Variants in RIMS2 observed in about 807,000 individuals in gnomAD.
RIMS2 encodes the protein regulating synaptic membrane exocytosis 2, also known as regulating synaptic membrane exocytosis protein 2.
In RIMS2, 59 loss-of-function variants were observed where a neutral mutation model predicts 174.4. The ratio of observed to expected loss-of-function variants is 0.34; its 90% CI spans 0.27 to 0.42. The LOEUF is 0.42. RIMS2 is among the 10% of genes least tolerant of loss of function. RIMS2 has a pLI of 1.00. For missense variants in RIMS2, 1,620 were observed against 1,666.3 expected, an observed-to-expected ratio of 0.97 and a Z score of 0.48; for synonymous variants, 606 against 572.5, an observed-to-expected ratio of 1.06 and a Z score of -0.84.
Position 104,220,487 on chromosome 8 carries a change from C to T in RIMS2, c.3335-24429C>T, listed in dbSNP as rs141374182. Among the ~76,000 whole-genome samples, 10 of 152,328 alleles carry T rather than the reference C, an allele frequency of 6.6e-5. No individual in the cohort carries two copies. In the East Asian group the frequency reaches 1.9e-3, roughly 29 times the overall value. On this transcript the variant is annotated intron_variant, in intron 19 of 23. Transcript: ENST00000504942. ...TCAGACTCCCCATCCCCAGCAGTCA[C>T]TTGCAGAAACCCAAGAAATCTTTTT... is the stretch of plus-strand genomic sequence containing the variant.
intron 5 of RIMS2, among the ~76,000 whole-genome samples, chr8:103,910,964 C>T (rs1240538531): frequency 6.6e-6 from 1 of 152,130 alleles, no homozygotes; most frequent in African/African-American, 2.4e-5. Context: ...TCTGTTTGCA[C>T]AGAAAAAGTT....
chr8:104,010,800 TGGTAA>T (rs1258709117), intron 17 of RIMS2, among the ~76,000 whole-genome samples: 1 of 152,170 alleles, frequency 6.6e-6, no homozygotes, highest in Non-Finnish European at 1.5e-5. Context: ...GCTTACCCTT[TGGTAA>T]TCTGATAAAA....
chr8:103,632,128 C>T (rs1174228371), intron 1 of RIMS2, among the ~76,000 whole-genome samples: 1 of 152,102 alleles, frequency 6.6e-6, no homozygotes, highest in Non-Finnish European at 1.5e-5. Context: ...CTTTCTCTTG[C>T]CTGATTTCTG....
rs780825926 is a variant in RIMS2, at chr8:103,697,059, T to A, written c.177-27T>A. The A allele has an allele frequency of 1.9e-6, 3 of 1,562,230 alleles. No homozygotes were observed. The South Asian group carries it at 3.3e-5, about 17-fold the overall frequency. On this transcript the variant is annotated intron_variant, in intron 1 of 23. Coordinates refer to ENST00000504942, the Ensembl canonical transcript of RIMS2. ...CTTTAGAGATCATCAGGAAACCAACTTTTTTTCTTATCTATTTTCTCTGCA... is the reference window on the plus strand; with the variant it reads ...CTTTAGAGATCATCAGGAAACCAACATTTTTTCTTATCTATTTTCTCTGCA...
intron 3 of RIMS2, among the ~76,000 whole-genome samples, chr8:103,785,599 C>T (rs2098436192): frequency 6.6e-6 from 1 of 152,110 alleles, no homozygotes; most frequent in Non-Finnish European, 1.5e-5. Context: ...TTGAGCCAGC[C>T]TTGCATCCCA....
intron 19 of RIMS2, among the ~76,000 whole-genome samples, chr8:104,093,233 A>T (rs2097693640): frequency 6.6e-6 from 1 of 151,984 alleles, no homozygotes; most frequent in Admixed American, 6.6e-5. Context: ...AACTATTTTA[A>T]TGGCCTTCAC....
chr8:103,652,587 T>G (rs757154837), intron 1 of RIMS2, 37 bp from the exon 3 acceptor site: 1 of 1,103,354 alleles, frequency 9.1e-7, no homozygotes, highest in South Asian at 1.2e-5. Context: ...TGTTATTCAT[T>G]TGGTTATTCA....
At chr8:104,070,828 C>T (rs1368774453) in intron 19 of RIMS2, among the ~76,000 whole-genome samples, 5 of 151,924 alleles carry the variant, frequency 3.3e-5, no homozygotes, top group African/African-American at 7.3e-5. Context: ...AATAAAGTCA[C>T]GATAAAACAA....
At chr8:103,927,571 A>ATCCAG (rs1172397443) in intron 10 of RIMS2, among the ~76,000 whole-genome samples, 1 of 151,696 alleles carries the variant, frequency 6.6e-6, no homozygotes, top group Admixed American at 6.6e-5. Flanking sequence ...ATTATTTTAT[A>ATCCAG]TCCAGTCTTA....
chr8:103,823,028 G>T (rs2098762919), intron 3 of RIMS2, among the ~76,000 whole-genome samples: 1 of 151,866 alleles, frequency 6.6e-6, no homozygotes, highest in Non-Finnish European at 1.5e-5. Context: ...GCTAATGATG[G>T]CTATCTTTTG....
At chr8:103,853,722 T>C (rs902883064) in intron 3 of RIMS2, among the ~76,000 whole-genome samples, 1 of 152,010 alleles carries the variant, frequency 6.6e-6, no homozygotes, top group Non-Finnish European at 1.5e-5. Context: ...TGAGTTTTAT[T>C]TTCTGTTCCA....
chr8:103,758,731 C>A (rs1266290265), intron 2 of RIMS2, among the ~76,000 whole-genome samples: 1 of 152,034 alleles, frequency 6.6e-6, no homozygotes, highest in Admixed American at 6.5e-5. Context: ...AACAGTCTTT[C>A]TATTGAAAGA....
chr8:103,922,001 C>T (rs1489228859), intron 10 of RIMS2: 1 of 302,666 alleles, frequency 3.3e-6, no homozygotes, highest in Admixed American at 4.6e-5. Flanking sequence ...ATAAAAGTTA[C>T]ATTTTGTAAA....
chr8:103,765,017 T>C lies in RIMS2; in HGVS notation c.388-1210T>C, dbSNP rs567873691. Among the ~76,000 whole-genome samples, 6 of 152,262 alleles carry C rather than the reference T, an allele frequency of 3.9e-5. No homozygotes were observed. The South Asian group carries it at 1.2e-3, about 32-fold the overall frequency. On this transcript the variant is annotated intron_variant, in intron 2 of 23. Coordinates refer to ENST00000504942, the Ensembl canonical transcript of RIMS2. ...GAATAATGGACAATAAGGTAAAAAA[T>C]CTACATGGTATTTTACAAAAACATT...
rs199997824 is a variant in RIMS2, at chr8:103,876,864, T to TTATATATA, written c.699-8395_699-8388dup. Among the ~76,000 whole-genome samples the TTATATATA allele has an allele frequency of 7.7e-3, 520 of 67,644 alleles. 13 individuals are homozygous for TTATATATA. Among genetic ancestry groups the TTATATATA allele is most frequent in the East Asian group, 0.018 (27 of 1,542 alleles). 44.4% of individuals were successfully genotyped at this position (67,644 alleles called of 152,430 possible). Reference sequence around the variant, plus strand: ...TGTATATATACACACACACACTATTTTATATATATATATATATATATATAT... The same window carrying TTATATATA: ...TGTATATATACACACACACACTATTTTATATATATATATATATATATATATATATATAT... On this transcript the variant is annotated intron_variant, in intron 3 of 23. Transcript: ENST00000504942.
At chr8:103,884,629 T>C (rs558275247) in intron 3 of RIMS2, among the ~76,000 whole-genome samples, 25 of 152,030 alleles carry the variant, frequency 1.6e-4, no homozygotes, top group Admixed American at 7.9e-4. Flanking sequence ...TAAATGAAGA[T>C]GGAATAAAAA....
chr8:103,786,198 T>C (rs1227745205), intron 3 of RIMS2, among the ~76,000 whole-genome samples: 1 of 152,212 alleles, frequency 6.6e-6, no homozygotes, highest in African/African-American at 2.4e-5. Flanking sequence ...TCTATCAATT[T>C]TGTTGATCCT....
intron 2 of RIMS2, among the ~76,000 whole-genome samples, chr8:103,743,470 C>T (rs140522703): frequency 2.2e-4 from 33 of 152,038 alleles, no homozygotes; most frequent in Admixed American, 3.3e-4. Context: ...ATAAAAAAAC[C>T]GCATTATAGT....
chr8:103,895,172 G>GA (rs2099270225), intron 4 of RIMS2, among the ~76,000 whole-genome samples: 2 of 88,096 alleles, frequency 2.3e-5, no homozygotes, highest in Middle Eastern at 0.011. Flanking sequence ...TCTTTGACAA[G>GA]GTTTTTTTTT....
Sources: allele counts gnomAD v4.1 joint callset (sites outside exome capture counted in the v4.1 genomes callset), GRCh38; gene constraint gnomAD v4.1.1; transcripts MANE v1.5; gene names NCBI Gene and HGNC (gene_info 2026-07-23, HGNC 2026-07-21).